Variants in THSD7A observed in about 807,000 individuals in gnomAD.
The protein encoded by THSD7A is thrombospondin type-1 domain-containing protein 7A.
Under a neutral mutation model 231.3 loss-of-function variants are expected in THSD7A, and 96 were observed. That is an observed-to-expected ratio of 0.41 (90% CI 0.35 to 0.49). The LOEUF (loss-of-function observed/expected upper bound fraction) is 0.49, where lower values mean the gene tolerates loss of function less well. Among genes scored for constraint, THSD7A ranks in the 20% least tolerant of loss-of-function variants. THSD7A has a pLI of 0.05. For synonymous variants in THSD7A, 940 were observed against 743.3 expected (o/e 1.26, Z -4.30); for missense variants, 2,290 against 2,070.2 (o/e 1.11, Z -2.06).
Position 11,412,732 on chromosome 7 carries a change from T to A in THSD7A, c.3606A>T (p.Arg1202Ser), listed in dbSNP as rs1390854537. 1 of 1,613,672 alleles carries A rather than the reference T, an allele frequency of 6.2e-7. No individual in the cohort carries two copies. Among genetic ancestry groups the A allele is most frequent in the African/African-American group, 1.3e-5 (1 of 74,932 alleles). ...DPIRQPADEGRSCPNAVEKEP... is the reference protein window; with the variant it reads ...DPIRQPADEGSSCPNAVEKEP... ...CTTTCTCAACAGCATTAGGGCAAGATCTTCCTTCATCAGCTGGTTGTCTGA... is the reference window on the plus strand; with the variant it reads ...CTTTCTCAACAGCATTAGGGCAAGAACTTCCTTCATCAGCTGGTTGTCTGA... Residue 1202 changes from arginine to serine, a missense_variant, in exon 18 of 28, where the codon AGA becomes AGT. Physicochemically the swap from Arg to Ser is moderately radical, Grantham distance 110. Coordinates refer to ENST00000423059, the MANE Select transcript of THSD7A (RefSeq NM_015204.3).
chr7:11,378,137 C>T lies in THSD7A; in HGVS notation c.4801+933G>A, dbSNP rs577999804. 3.9e-5 allele frequency: 6 copies of T among 152,258 alleles called. No homozygotes were observed. In the South Asian group the frequency reaches 1.2e-3, roughly 32 times the overall value. The allele number at this position is 152,258 out of a possible 1,614,324, so 9.4% of individuals were successfully genotyped here. On this transcript the variant is annotated intron_variant, in intron 26 of 27. Transcript: ENST00000423059. ...TTATTCTCCAATAAGGGAAAGTATT[C>T]AGACTTAATGCATAGAAATGGAGAT...
At chr7:11,710,395 T>G (rs1246747124) in intron 1 of THSD7A, among the ~76,000 whole-genome samples, 1 of 150,988 alleles carries the variant, frequency 6.6e-6, no homozygotes, top group African/African-American at 2.4e-5. Flanking sequence ...ATAACTCTGA[T>G]TTTGTTCAAT....
At chr7:11,425,971 G>C (rs7777587) in intron 15 of THSD7A, among the ~76,000 whole-genome samples, 6,425 of 151,988 alleles carry the variant, frequency 0.042, 466 homozygotes, top group African/African-American at 0.15. Context: ...TGACACGTTA[G>C]TGGGTGCAGC....
chr7:11,769,877 A>G (rs1783167875), intron 1 of THSD7A, among the ~76,000 whole-genome samples: 1 of 152,196 alleles, frequency 6.6e-6, no homozygotes, highest in South Asian at 2.1e-4. Flanking sequence ...GATTAATTTC[A>G]AGTATCTTGA....
At chr7:11,806,466 G>C (rs1784399856) in intron 1 of THSD7A, among the ~76,000 whole-genome samples, 1 of 152,250 alleles carries the variant, frequency 6.6e-6, no homozygotes, top group South Asian at 2.1e-4. Context: ...TTCAGCTTTA[G>C]TCTACAGAGC....
At chr7:11,422,685 G>T (rs914071863) in intron 16 of THSD7A, among the ~76,000 whole-genome samples, 2 of 151,436 alleles carry the variant, frequency 1.3e-5, no homozygotes, top group Non-Finnish European at 2.9e-5. Flanking sequence ...ATGGAGTCTC[G>T]CTATGTGGCC....
chr7:11,820,986 T>A, intron 1 of THSD7A: 1 of 1,034,410 alleles, frequency 9.7e-7, no homozygotes, highest in Non-Finnish European at 1.5e-6. Context: ...ATCAACAGGA[T>A]CATCTCTGTA....
intron 1 of THSD7A, among the ~76,000 whole-genome samples, chr7:11,663,933 T>C (rs963284782): frequency 2.0e-5 from 3 of 151,686 alleles, no homozygotes; most frequent in African/African-American, 7.2e-5. Flanking sequence ...TTATTTTCAA[T>C]TTTGATATTT....
chr7:11,636,347 G>A lies in THSD7A; in HGVS notation c.805C>T (p.Arg269Ter). ...CGTCTCCTTGCTTGTCTTACTTGTC[G>A]GGAGTGGGGCATTGAGCAGGTGCTC... The part of the protein sequence containing the change: ...PWSTCSMPHS[R>*]QVRQARRRGK... Residue 269 changes from arginine to a stop codon, truncating the protein, a stop_gained, in exon 2 of 28, where the codon CGA becomes TGA. Transcript: ENST00000423059. LOFTEE classifies it high-confidence loss of function. This position sits in a 1 kb window ranked among gnomAD's most constrained non-coding sequence, Gnocchi z 10.0. 6.2e-7 allele frequency: 1 copy of A among 1,613,716 alleles called. No individual in the cohort carries two copies. Among genetic ancestry groups the A allele is most frequent in the Non-Finnish European group, 8.5e-7 (1 of 1,179,840 alleles).
In THSD7A at chr7:11,590,436, C is replaced by A. The variant is rs1780109166; in HGVS notation, c.1453+24G>T. ...GCTCAGTCAGTCTTCATAAGTGAATCCTTGAGAAGAAAGCAAAGGTTACCT... is the reference window on the plus strand; with the variant it reads ...GCTCAGTCAGTCTTCATAAGTGAATACTTGAGAAGAAAGCAAAGGTTACCT... On this transcript the variant is annotated intron_variant, in intron 4 of 27. Coordinates refer to ENST00000423059, the MANE Select transcript of THSD7A (RefSeq NM_015204.3). This position sits in a 1 kb window ranked among gnomAD's most constrained non-coding sequence, Gnocchi z 4.4. 2 of 1,593,188 alleles carry A rather than the reference C, an allele frequency of 1.3e-6. No homozygotes were observed. The highest frequency in any genetic ancestry group is 8.6e-7 in the Non-Finnish European group (1 of 1,169,194).
rs1047240787 is a variant in THSD7A at position 11,637,401 on chromosome 7, G to C, written c.191-440C>G. On this transcript the variant is annotated intron_variant, in intron 1 of 27. Transcript: ENST00000423059. The surrounding 1 kb of genome is among the most constrained non-coding windows in gnomAD (Gnocchi z 4.2). ...CTGCAGGCATTTCTCTTCCTGGACA[G>C]TTAACTATTTTGTGGAACTTGCTCT... is the stretch of plus-strand genomic sequence containing the variant. 6.6e-6 allele frequency among the ~76,000 whole-genome samples: 1 copy of C among 152,190 alleles called. No homozygotes were observed. The highest frequency in any genetic ancestry group is 2.4e-5 in the African/African-American group (1 of 41,456).
intron 1 of THSD7A, among the ~76,000 whole-genome samples, chr7:11,777,710 T>C (rs527497704): frequency 6.6e-6 from 1 of 152,264 alleles, no homozygotes; most frequent in Admixed American, 6.5e-5. Context: ...GTTGGAGAAA[T>C]CAGATTCAGC....
chr7:11,465,334 G>A (rs1008834478), intron 9 of THSD7A, among the ~76,000 whole-genome samples: 1 of 151,974 alleles, frequency 6.6e-6, no homozygotes, highest in Non-Finnish European at 1.5e-5. Context: ...GAAATAACAA[G>A]TACGCGAAAA....
Position 11,761,954 on chromosome 7 carries a change from T to G in THSD7A, c.190+69803A>C, listed in dbSNP as rs145926955. ...TCACTGTCTATTATTTCCATCTTTA[T>G]GTTCATCTGTACCAACTGTATACCA... On this transcript the variant is annotated intron_variant, in intron 1 of 27. Transcript: ENST00000423059. Among the ~76,000 whole-genome samples, 987 of 152,238 alleles carry G rather than the reference T, an allele frequency of 6.5e-3. 9 individuals carry two copies. Among genetic ancestry groups the G allele is most frequent in the African/African-American group, 0.022 (918 of 41,542 alleles).
intron 19 of THSD7A, among the ~76,000 whole-genome samples, chr7:11,409,779 G>C (rs992483269): frequency 6.6e-6 from 1 of 151,740 alleles, no homozygotes; most frequent in Non-Finnish European, 1.5e-5. Flanking sequence ...TTTTGCTCTT[G>C]TTGCCCAGGC....
At chr7:11,641,423 C>T (rs1782076531) in intron 1 of THSD7A, among the ~76,000 whole-genome samples, 1 of 151,974 alleles carries the variant, frequency 6.6e-6, no homozygotes, top group Admixed American at 6.6e-5. Flanking sequence ...AGATTGAATT[C>T]AAGAATACTA....
rs1784630900 is a variant in THSD7A, at chr7:11,814,847, A to G, written c.190+16910T>C. ...AAACTCTCAAAAGAAGCTGTTTGAT[A>G]AGAGTGATTGGATCTTCTGATCTTT... is the stretch of plus-strand genomic sequence containing the variant. On this transcript the variant is annotated intron_variant, in intron 1 of 27. Coordinates refer to ENST00000423059, the MANE Select transcript of THSD7A (RefSeq NM_015204.3). This position sits in a 1 kb window ranked among gnomAD's most constrained non-coding sequence, Gnocchi z 5.1. Among the ~76,000 whole-genome samples, 1 of 152,150 alleles carries G rather than the reference A, an allele frequency of 6.6e-6. No individual in the cohort carries two copies. The highest frequency in any genetic ancestry group is 1.9e-4 in the East Asian group (1 of 5,180).
In THSD7A at chr7:11,379,293, A is replaced by C; in HGVS notation, c.4591-13T>G. 1 of 1,613,020 alleles carries C rather than the reference A, an allele frequency of 6.2e-7. No homozygotes were observed. Among genetic ancestry groups the C allele is most frequent in the Non-Finnish European group, 8.5e-7 (1 of 1,179,140 alleles). On this transcript the variant is annotated splice_polypyrimidine_tract_variant and intron_variant, in intron 25 of 27. Coordinates refer to ENST00000423059, the MANE Select transcript of THSD7A (RefSeq NM_015204.3). ...GGCATGTTTTTGTCTGCAGGAGAAC[A>C]AGAAGATTTATACTAGCCATGCAAG...
chr7:11,414,990 A>T (rs1783912603), intron 17 of THSD7A, among the ~76,000 whole-genome samples: 1 of 152,190 alleles, frequency 6.6e-6, no homozygotes. Flanking sequence ...AAGGTAAAAC[A>T]TGTCAAATTA....
Sources: gnomAD v4.1 joint callset for allele counts (sites outside exome capture counted in the v4.1 genomes callset) on GRCh38, gnomAD v4.1.1 for gene constraint, Gnocchi (gnomAD v3.1) non-coding constraint, MANE v1.5 for transcripts, NCBI Gene and HGNC (gene_info 2026-07-23, HGNC 2026-07-21) for gene names.